The following RYR3 variants were observed in gnomAD, a reference collection of about 807,000 sequenced individuals.
The protein encoded by RYR3 is brain ryanodine receptor-calcium release channel.
A neutral mutation model predicts 584.3 loss-of-function variants in RYR3; 207 were observed. The ratio of observed to expected loss-of-function variants is 0.35; its 90% CI spans 0.32 to 0.40. The LOEUF (loss-of-function observed/expected upper bound fraction) is 0.40, where lower values mean the gene tolerates loss of function less well. Among genes scored for constraint, RYR3 ranks in the 10% least tolerant of loss-of-function variants. RYR3 has a pLI of 1.00. For missense variants in RYR3, 5,616 were observed against 6,089.2 expected (o/e 0.92, Z 2.59); for synonymous variants, 2,416 against 2,248.5 (o/e 1.07, Z -2.11).
chr15:33,806,945 G>T (rs932375817), intron 69 of RYR3, among the ~76,000 whole-genome samples: 21 of 142,334 alleles, frequency 1.5e-4, no homozygotes, highest in African/African-American at 4.7e-4. Context: ...TGTAAAGACA[G>T]TGGCTATGTT....
intron 1 of RYR3, among the ~76,000 whole-genome samples, chr15:33,466,242 G>T (rs1037595403): frequency 1.3e-5 from 2 of 152,182 alleles, no homozygotes; most frequent in Non-Finnish European, 2.9e-5. Flanking sequence ...CACCACTGTA[G>T]CAGTAGAGGG....
chr15:33,865,354 C>CTGAAAATCTGTGCTATTTTGAAAT lies in RYR3; in HGVS notation c.*132_*155dup, dbSNP rs1452044639. ...AATGCCTCCCTTAAAAAAAAAACTG[C>CTGAAAATCTGTGCTATTTTGAAAT]TGAAAATCTGTGCTATTTTGAAATT... On this transcript the variant is annotated 3_prime_UTR_variant, in exon 104 of 104. Coordinates refer to ENST00000634891, the MANE Select transcript of RYR3 (RefSeq NM_001036.6). 32 of 667,108 alleles carry CTGAAAATCTGTGCTATTTTGAAAT rather than the reference C, an allele frequency of 4.8e-5. No homozygotes were observed. In the East Asian group the frequency reaches 8.3e-4, roughly 17 times the overall value. The allele number at this position is 667,108 out of a possible 1,614,324, so 41.3% of individuals were successfully genotyped here.
At chr15:33,356,287 A>G (rs1346256215) in intron 1 of RYR3, among the ~76,000 whole-genome samples, 1 of 152,192 alleles carries the variant, frequency 6.6e-6, no homozygotes, top group Non-Finnish European at 1.5e-5. Context: ...TCTACCTCAC[A>G]GCATTGTCAC....
At chr15:33,338,449 A>G (rs1307294989) in intron 1 of RYR3, among the ~76,000 whole-genome samples, 2 of 152,320 alleles carry the variant, frequency 1.3e-5, no homozygotes, top group Non-Finnish European at 2.9e-5. Flanking sequence ...TTTACATAAG[A>G]GAACACAGAC....
chr15:33,646,346 T>G lies in RYR3; in HGVS notation c.3766-5T>G. The G allele has an allele frequency of 6.3e-7, 1 of 1,596,110 alleles. No homozygotes were observed. The highest frequency in any genetic ancestry group is 8.6e-7 in the Non-Finnish European group (1 of 1,167,384). On this transcript the variant is annotated splice_region_variant and splice_polypyrimidine_tract_variant and intron_variant, in intron 28 of 103. Transcript: ENST00000634891. Reference sequence around the variant, plus strand: ...TGTCAAGGTAAGGACTCGTCCTGTTTCCAGGTCATGAGGATTGATGGCACC... The same window carrying G: ...TGTCAAGGTAAGGACTCGTCCTGTTGCCAGGTCATGAGGATTGATGGCACC...
chr15:33,491,696 A>G (rs1318821124), intron 2 of RYR3, among the ~76,000 whole-genome samples: 1 of 152,212 alleles, frequency 6.6e-6, no homozygotes, highest in African/African-American at 2.4e-5. Flanking sequence ...TTACTCAGCA[A>G]AGCGGAGGAA....
chr15:33,811,092 G>GT, intron 72 of RYR3, 55 bp downstream of exon 72: 1 of 1,457,198 alleles, frequency 6.9e-7, no homozygotes. Context: ...CTGGCTGCAG[G>GT]GTTCCAGCTT....
intron 93 of RYR3, among the ~76,000 whole-genome samples, chr15:33,845,338 C>T (rs1294442881): frequency 6.6e-6 from 1 of 152,122 alleles, no homozygotes; most frequent in East Asian, 1.9e-4. Flanking sequence ...CTGCAACCTC[C>T]GCCTCCCAGG....
chr15:33,487,764 T>C (rs912043234), intron 2 of RYR3, among the ~76,000 whole-genome samples: 1 of 152,230 alleles, frequency 6.6e-6, no homozygotes, highest in Non-Finnish European at 1.5e-5. Flanking sequence ...TTCATCCATA[T>C]GCAACTTCAA....
intron 69 of RYR3, among the ~76,000 whole-genome samples, chr15:33,803,186 T>A (rs951982750): frequency 5.3e-5 from 8 of 152,266 alleles, no homozygotes; most frequent in African/African-American, 1.9e-4. Context: ...AAGTATACAC[T>A]TTTAGTATGC....
chr15:33,645,262 G>A (rs1167757607), intron 28 of RYR3, among the ~76,000 whole-genome samples: 2 of 152,122 alleles, frequency 1.3e-5, no homozygotes, highest in Non-Finnish European at 2.9e-5. Flanking sequence ...GCCCTACATG[G>A]ACTAAGACTT....
chr15:33,499,978 T>G (rs551912009), intron 2 of RYR3, among the ~76,000 whole-genome samples: 1 of 152,250 alleles, frequency 6.6e-6, no homozygotes, highest in East Asian at 1.9e-4. Context: ...GCAGGAGACT[T>G]GAGGAGTCAT....
chr15:33,813,008 G>A lies in RYR3; in HGVS notation c.10389+14G>A, dbSNP rs747153335. 2 of 1,613,782 alleles carry A rather than the reference G, an allele frequency of 1.2e-6. No homozygotes were observed. The highest frequency in any genetic ancestry group is 1.3e-5 in the African/African-American group (1 of 74,930). Reference sequence around the variant, plus strand: ...CACCTGGAACAGGTAAGGAGCATCTGCCCTGAGGAATGGGGAAGCAGAAAC... The same window carrying A: ...CACCTGGAACAGGTAAGGAGCATCTACCCTGAGGAATGGGGAAGCAGAAAC... On this transcript the variant is annotated intron_variant, in intron 73 of 103. Transcript: ENST00000634891.
chr15:33,662,104 G>A (rs534119183), intron 34 of RYR3, 49 bp from the exon 35 acceptor site: 27 of 1,450,224 alleles, frequency 1.9e-5, no homozygotes, highest in East Asian at 1.4e-4. Context: ...GCTGGATTCT[G>A]GTGGGTTCTT....
chr15:33,716,473 C>G (rs1333668265), intron 43 of RYR3, among the ~76,000 whole-genome samples: 3 of 152,154 alleles, frequency 2.0e-5, no homozygotes, highest in Non-Finnish European at 2.9e-5. Context: ...CTTCTAGTGA[C>G]AGAGGCAAGG....
At chr15:33,694,250 GTT>G (rs1050666286) in intron 38 of RYR3, among the ~76,000 whole-genome samples, 4 of 142,778 alleles carry the variant, frequency 2.8e-5, no homozygotes, top group African/African-American at 2.6e-5. Flanking sequence ...ACTAGTTTTT[GTT>G]TTTTTTTTTT....
intron 86 of RYR3, among the ~76,000 whole-genome samples, chr15:33,831,736 C>T (rs1428871737): frequency 1.3e-5 from 2 of 152,098 alleles, no homozygotes; most frequent in African/African-American, 4.8e-5. Flanking sequence ...TATATTCAGG[C>T]ATAATTTGCT....
In RYR3 at chr15:33,620,764, A is replaced by G. The variant is rs144607181; in HGVS notation, c.2358-3043A>G. On this transcript the variant is annotated intron_variant, in intron 19 of 103. Coordinates refer to ENST00000634891, the MANE Select transcript of RYR3 (RefSeq NM_001036.6). The stretch of plus-strand genomic sequence containing the variant: ...GGATCGCTTCTCACGGACTCTGGGT[A>G]GTTTGTTCACAGGCAGTGAGGGGAG... Among the ~76,000 whole-genome samples, 747 of 152,244 alleles carry G rather than the reference A, an allele frequency of 4.9e-3. 8 individuals are homozygous for G. Among genetic ancestry groups the G allele is most frequent in the African/African-American group, 0.013 (558 of 41,548 alleles).
intron 2 of RYR3, among the ~76,000 whole-genome samples, chr15:33,502,200 A>C: frequency 6.6e-6 from 1 of 152,212 alleles, no homozygotes; most frequent in East Asian, 1.9e-4. Context: ...CAGGTCCAGC[A>C]GGCCGATTAT....
Sources: gnomAD v4.1 joint callset for allele counts (sites outside exome capture counted in the v4.1 genomes callset) on GRCh38, gnomAD v4.1.1 for gene constraint, MANE v1.5 for transcripts, NCBI Gene and HGNC (gene_info 2026-07-23, HGNC 2026-07-21) for gene names.